The following CCDC149 variants were observed in gnomAD, a reference collection of about 807,000 sequenced individuals.
The protein encoded by CCDC149 is coiled-coil domain containing 149.
Under a neutral mutation model 59.9 loss-of-function variants are expected in CCDC149, and 45 were observed. The ratio of observed to expected loss-of-function variants is 0.75; its 90% CI spans 0.59 to 0.96. The LOEUF is 0.96. Among genes scored for constraint, CCDC149 ranks in the 40% least tolerant of loss-of-function variants. The pLI is 0.00. For synonymous variants in CCDC149, 245 were observed against 260.6 expected (o/e 0.94, Z 0.58); for missense variants, 584 against 664.7 (o/e 0.88, Z 1.33).
chr4:24,821,139 A>G, intron 10 of CCDC149, 52 bp from the exon 11 acceptor site: 1 of 1,101,216 alleles, frequency 9.1e-7, no homozygotes, highest in Non-Finnish European at 1.2e-6. Context: ...CATAATAGCC[A>G]TTTGAAGTTG....
intron 3 of CCDC149, among the ~76,000 whole-genome samples, chr4:24,870,031 C>A (rs962746015): frequency 6.6e-6 from 1 of 152,156 alleles, no homozygotes; most frequent in Admixed American, 6.6e-5. Context: ...TGAGGGGAAC[C>A]AGACACAGAA....
chr4:24,910,260 G>A (rs1427238698), intron 1 of CCDC149, among the ~76,000 whole-genome samples: 1 of 152,178 alleles, frequency 6.6e-6, no homozygotes. Flanking sequence ...GCTCCCTTGT[G>A]TGTCTGTGGC....
rs1373354827 is a variant in CCDC149, at chr4:24,807,859, C to T, written c.*530G>A. The T allele has an allele frequency of 6.6e-6, 1 of 152,330 alleles. No homozygotes were observed. The highest frequency in any genetic ancestry group is 2.4e-5 in the African/African-American group (1 of 41,454). 9.4% of individuals were successfully genotyped at this position (152,330 alleles called of 1,614,324 possible). A position where few individuals can be genotyped will look rare whatever the true frequency, so the allele number is the denominator to read the frequency against. ...GCAGTGCTGTGGGCACAATGCCAAG[C>T]ACACCCATGCCAGGCAGTCCTCCTG... is the stretch of plus-strand genomic sequence containing the variant. On this transcript the variant is annotated 3_prime_UTR_variant, in exon 13 of 13. Transcript: ENST00000635206.
At chr4:24,967,342 CA>C (rs894823349) in intron 1 of CCDC149, among the ~76,000 whole-genome samples, 1 of 152,180 alleles carries the variant, frequency 6.6e-6, no homozygotes, top group Non-Finnish European at 1.5e-5. Flanking sequence ...GTGGCACCCA[CA>C]GCACCTACAA....
intron 12 of CCDC149, among the ~76,000 whole-genome samples, chr4:24,809,927 T>C (rs2109084739): frequency 6.6e-6 from 1 of 152,340 alleles, no homozygotes; most frequent in Admixed American, 6.5e-5. Flanking sequence ...GCCATGCCAT[T>C]TTCCTGCTTA....
At chr4:24,914,286 T>G (rs1722051444), upstream of CCDC149, among the ~76,000 whole-genome samples, 1 of 151,508 alleles carries the variant, frequency 6.6e-6, no homozygotes, top group South Asian at 2.1e-4. Context: ...GCAGCAATCA[T>G]TCCCCTTCTT....
At chr4:24,963,073 T>C (rs987580692) in intron 1 of CCDC149, among the ~76,000 whole-genome samples, 2 of 151,946 alleles carry the variant, frequency 1.3e-5, no homozygotes, top group Admixed American at 1.3e-4. Context: ...TGGCAATACT[T>C]TCATTACTCC....
chr4:24,847,140 T>C (rs567039690), intron 4 of CCDC149, among the ~76,000 whole-genome samples: 2 of 152,290 alleles, frequency 1.3e-5, no homozygotes, highest in East Asian at 1.9e-4. Context: ...ACCAGGATCA[T>C]TGTCTCTACT....
At position 24,848,290 on chromosome 4, in the gene CCDC149, G is replaced by A. The variant is rs532425147; in HGVS notation, c.372+4782C>T. Among the ~76,000 whole-genome samples the A allele has an allele frequency of 7.2e-5, 11 of 152,146 alleles. No homozygotes were observed. In the East Asian group the frequency reaches 7.7e-4, roughly 11 times the overall value. ...CCCTTATTTTACTTAATAATGCCTC[G>A]GCCAGGCACGGTGCTAACATCTGTA... On this transcript the variant is annotated intron_variant, in intron 4 of 12. Coordinates refer to ENST00000635206, the MANE Select transcript of CCDC149 (RefSeq NM_001330643.2).
At chr4:24,912,215 C>A (rs144890709) in intron 1 of CCDC149, among the ~76,000 whole-genome samples, 102 of 152,332 alleles carry the variant, frequency 6.7e-4, no homozygotes, top group Middle Eastern at 3.4e-3. Context: ...TGTGCTTCCA[C>A]AAATCGAATC....
At chr4:24,963,353 A>G (rs1723700475) in intron 1 of CCDC149, among the ~76,000 whole-genome samples, 1 of 152,156 alleles carries the variant, frequency 6.6e-6, no homozygotes, top group Non-Finnish European at 1.5e-5. Context: ...TAGTGGCAGC[A>G]GCATTTATGG....
intron 1 of CCDC149, among the ~76,000 whole-genome samples, chr4:24,947,566 T>C (rs1263927664): frequency 6.6e-6 from 1 of 152,186 alleles, no homozygotes; most frequent in Non-Finnish European, 1.5e-5. Flanking sequence ...CAGATGTCTA[T>C]GTCAAACTGG....
At chr4:24,881,756 C>T (rs533527979) in intron 1 of CCDC149, among the ~76,000 whole-genome samples, 2 of 152,156 alleles carry the variant, frequency 1.3e-5, no homozygotes, top group African/African-American at 4.8e-5. Context: ...CTATTGATGA[C>T]AAAAAGCAAG....
chr4:24,930,486 C>T (rs538274178), intron 1 of CCDC149, among the ~76,000 whole-genome samples: 2 of 152,304 alleles, frequency 1.3e-5, no homozygotes, highest in South Asian at 4.1e-4. Flanking sequence ...ATAGGCTTTA[C>T]TATTGCTGAA....
chr4:24,939,883 T>C (rs1722903113), intron 1 of CCDC149, among the ~76,000 whole-genome samples: 1 of 152,046 alleles, frequency 6.6e-6, no homozygotes, highest in Non-Finnish European at 1.5e-5. Context: ...CTCCAAGAAA[T>C]ATGGGACTAT....
At chr4:24,927,255 C>G (rs1422849386) in intron 1 of CCDC149, among the ~76,000 whole-genome samples, 1 of 152,192 alleles carries the variant, frequency 6.6e-6, no homozygotes, top group African/African-American at 2.4e-5. Context: ...GTGTTTATGG[C>G]CAGACCCCTG....
intron 7 of CCDC149, among the ~76,000 whole-genome samples, chr4:24,835,678 C>G (rs1159097016): frequency 2.0e-5 from 3 of 152,092 alleles, no homozygotes; most frequent in Non-Finnish European, 4.4e-5. Context: ...TATAGATAGA[C>G]TGGTATAATG....
chr4:24,840,667 A>T (rs1446134757), intron 4 of CCDC149, among the ~76,000 whole-genome samples: 1 of 152,154 alleles, frequency 6.6e-6, no homozygotes, highest in African/African-American at 2.4e-5. Flanking sequence ...CCCCACGCAT[A>T]GTGCCAAAGT....
chr4:24,925,250 T>G (rs1722407337), intron 1 of CCDC149, among the ~76,000 whole-genome samples: 1 of 152,218 alleles, frequency 6.6e-6, no homozygotes, highest in East Asian at 1.9e-4. Flanking sequence ...AATTCTGAAA[T>G]GTGGGGACAG....
Sources: gnomAD v4.1 joint callset for allele counts (sites outside exome capture counted in the v4.1 genomes callset) on GRCh38, gnomAD v4.1.1 for gene constraint, MANE v1.5 for transcripts, NCBI Gene and HGNC (gene_info 2026-07-23, HGNC 2026-07-21) for gene names.